Variants in CTNNA2 observed in about 807,000 individuals in gnomAD.
The protein encoded by CTNNA2 is catenin alpha-2.
A neutral mutation model predicts 101.0 loss-of-function variants in CTNNA2; 42 were observed. That is an observed-to-expected ratio of 0.42 (90% CI 0.32 to 0.54). The LOEUF is 0.54. CTNNA2 is among the 20% of genes least tolerant of loss of function. CTNNA2 has a pLI of 0.14. For missense variants in CTNNA2, 871 were observed against 1,223.1 expected, an observed-to-expected ratio of 0.71 and a Z score of 4.29; for synonymous variants, 450 against 456.4, an observed-to-expected ratio of 0.99 and a Z score of 0.18.
At chr2:79,523,244 T>A in intron 1 of CTNNA2, 1 of 449,404 alleles carries the variant, frequency 2.2e-6, no homozygotes, top group Non-Finnish European at 4.5e-6. Flanking sequence ...CAATATGGGC[T>A]GTGGCATGGG....
intron 7 of CTNNA2, among the ~76,000 whole-genome samples, chr2:80,016,417 T>A (rs112298640): frequency 2.0e-5 from 3 of 151,912 alleles, no homozygotes; most frequent in African/African-American, 4.8e-5. Context: ...ACGAGGAGAA[T>A]AGGAACATTC....
intron 12 of CTNNA2, among the ~76,000 whole-genome samples, chr2:80,564,998 T>G (rs1277948132): frequency 6.6e-6 from 1 of 152,168 alleles, no homozygotes; most frequent in African/African-American, 2.4e-5. Context: ...TAAAAAAGCA[T>G]TTGAAGACAC....
At chr2:80,287,843 C>T (rs1674906963) in intron 7 of CTNNA2, among the ~76,000 whole-genome samples, 1 of 152,190 alleles carries the variant, frequency 6.6e-6, no homozygotes, top group Non-Finnish European at 1.5e-5. Flanking sequence ...ATGTGCTTAA[C>T]TCACACCTTC....
intron 2 of CTNNA2, among the ~76,000 whole-genome samples, chr2:79,271,015 C>T (rs112863852): frequency 6.6e-6 from 1 of 151,858 alleles, no homozygotes; most frequent in Non-Finnish European, 1.5e-5. Context: ...GAAAGAGAAG[C>T]AAAATAAGTC....
chr2:79,413,871 A>T (rs1678445974), intron 4 of CTNNA2, among the ~76,000 whole-genome samples: 1 of 147,036 alleles, frequency 6.8e-6, no homozygotes, highest in Admixed American at 6.9e-5. Flanking sequence ...CTTTTTTGAG[A>T]AATCTCTATT....
intron 4 of CTNNA2, among the ~76,000 whole-genome samples, chr2:79,863,798 A>G (rs1681822290): frequency 1.3e-5 from 2 of 152,100 alleles, no homozygotes. Context: ...GGGTCACTTG[A>G]TGACAAAGGA....
At chr2:80,053,941 A>G (rs1301830434) in intron 7 of CTNNA2, among the ~76,000 whole-genome samples, 1 of 152,252 alleles carries the variant, frequency 6.6e-6, no homozygotes, top group Non-Finnish European at 1.5e-5. Flanking sequence ...TGTAATCAGT[A>G]TCAATAAACA....
chr2:80,383,289 T>C (rs1676682882), intron 7 of CTNNA2, among the ~76,000 whole-genome samples: 1 of 152,212 alleles, frequency 6.6e-6, no homozygotes, highest in Non-Finnish European at 1.5e-5. Flanking sequence ...TAGGACTCCA[T>C]ATTTTCCAAA....
At chr2:79,316,767 T>G (rs2104405205) in intron 3 of CTNNA2, among the ~76,000 whole-genome samples, 1 of 152,102 alleles carries the variant, frequency 6.6e-6, no homozygotes, top group Middle Eastern at 3.4e-3. Context: ...TCCTGTAAAC[T>G]TGCTAAATTC....
intron 9 of CTNNA2, among the ~76,000 whole-genome samples, chr2:80,532,966 C>A (rs752428411): frequency 6.6e-5 from 10 of 152,112 alleles, no homozygotes; most frequent in Non-Finnish European, 8.8e-5. Context: ...TGCCTTGGAA[C>A]TACGTTTATA....
chr2:79,487,516 A>G (rs1671169546), intron 4 of CTNNA2, among the ~76,000 whole-genome samples: 1 of 152,114 alleles, frequency 6.6e-6, no homozygotes, highest in African/African-American at 2.4e-5. Context: ...TCATTTGGAG[A>G]GCTCCATCTG....
At chr2:79,770,573 A>G (rs191100492) in intron 3 of CTNNA2, among the ~76,000 whole-genome samples, 397 of 152,356 alleles carry the variant, frequency 2.6e-3, no homozygotes, top group African/African-American at 9.2e-3. Context: ...GATGTGCACA[A>G]AATAGCTTCA....
intron 7 of CTNNA2, among the ~76,000 whole-genome samples, chr2:80,212,421 G>A (rs572260229): frequency 4.6e-5 from 7 of 152,012 alleles, no homozygotes; most frequent in Non-Finnish European, 1.0e-4. Context: ...AGAGTTTTTA[G>A]CATGAAGGGC....
chr2:79,822,689 T>A (rs908803054), intron 3 of CTNNA2, among the ~76,000 whole-genome samples: 2 of 152,182 alleles, frequency 1.3e-5, no homozygotes, highest in Non-Finnish European at 2.9e-5. Flanking sequence ...TCTCTTCATA[T>A]GGCTATTCTC....
At chr2:79,870,029 G>A (rs1229015779) in intron 5 of CTNNA2, 94 bp downstream of exon 5, 2 of 1,462,230 alleles carry the variant, frequency 1.4e-6, no homozygotes, top group Non-Finnish European at 1.9e-6. Context: ...AACTGCATCT[G>A]CTTGCTATCA....
intron 18 of CTNNA2, among the ~76,000 whole-genome samples, chr2:80,642,453 C>T (rs1386114246): frequency 6.6e-6 from 1 of 152,142 alleles, no homozygotes; most frequent in Non-Finnish European, 1.5e-5. Context: ...CTATACCCAA[C>T]ACTTAAGCAC....
chr2:79,371,963 A>T (rs991218152), intron 3 of CTNNA2, among the ~76,000 whole-genome samples: 2 of 152,150 alleles, frequency 1.3e-5, no homozygotes, highest in Non-Finnish European at 2.9e-5. Flanking sequence ...AAGAAAGAAT[A>T]AAAAAGGAAG....
chr2:79,280,657 A>AGAGAGAGAGAGAGAGAGAGAGAG (rs1334847406), intron 2 of CTNNA2, among the ~76,000 whole-genome samples: 3 of 50,270 alleles, frequency 6.0e-5, no homozygotes, highest in African/African-American at 8.2e-5. Flanking sequence ...GTGTGTGTGT[A>AGAGAGAGAGAGAGAGAGAGAGAG]AGAGAAAGAG....
Position 79,214,971 on chromosome 2 carries a change from TATTG to T in CTNNA2, c.-406+16899_-406+16902del, listed in dbSNP as rs1278068237. On this transcript the variant is annotated intron_variant, in intron 2 of 21. Transcript: ENST00000466387. ...GGTAATGTGGAGTGGGTAGCCTCCG[TATTG>T]ATTAAGAAGGGGACGGACTTACCTT... 1.4e-4 allele frequency among the ~76,000 whole-genome samples: 21 copies of T among 151,996 alleles called. No individual in the cohort carries two copies. The East Asian group carries it at 1.8e-3, about 13-fold the overall frequency.
Sources: gnomAD v4.1 joint callset for allele counts (sites outside exome capture counted in the v4.1 genomes callset) on GRCh38, gnomAD v4.1.1 for gene constraint, MANE v1.5 for transcripts, NCBI Gene and HGNC (gene_info 2026-07-23, HGNC 2026-07-21) for gene names.